ZSCAN1: variants seen among roughly 807,000 people sequenced by gnomAD.
ZSCAN1 encodes the protein zinc finger and SCAN domain-containing protein 1.
ZSCAN1 carries 23 observed loss-of-function variants against 23.8 expected under a neutral mutation model. The ratio of observed to expected loss-of-function variants is 0.97; its 90% CI spans 0.70 to 1.37. The LOEUF (loss-of-function observed/expected upper bound fraction) is 1.37, where lower values mean the gene tolerates loss of function less well. Among genes scored for constraint, ZSCAN1 ranks in the 40% most tolerant of loss-of-function variants. The probability of loss-of-function intolerance (pLI) is 0.00; values close to 1 mark genes in which losing one functional copy is unlikely to be tolerated. For synonymous variants in ZSCAN1, 236 were observed against 232.3 expected (o/e 1.02, Z -0.15); for missense variants, 575 against 554.0 (o/e 1.04, Z -0.38).
At chr19:58,043,287 G>A (rs1466011698) in intron 4 of ZSCAN1, among the ~76,000 whole-genome samples, 3 of 152,234 alleles carry the variant, frequency 2.0e-5, no homozygotes, top group African/African-American at 7.2e-5. Context: ...ACATCGCAGA[G>A]GGCACTCACA....
rs766460844 is a variant in ZSCAN1 at position 58,037,912 on chromosome 19, C to T, written c.76C>T (p.Pro26Ser). 13 of 1,598,504 alleles carry T rather than the reference C, an allele frequency of 8.1e-6. No homozygotes were observed. Among genetic ancestry groups the T allele is most frequent in the South Asian group, 1.1e-5 (1 of 90,750 alleles). ...TPTPSEQDAD[P>S]GPASPRDTEA... ...AACCCCGAGTGAGCAGGACGCAGAC[C>T]CTGGGCCAGCAAGCCCCAGGGACAC... Residue 26 changes from proline (P) to serine (S), a missense_variant, in exon 3 of 6, where the codon CCT (proline) becomes TCT (serine). Physicochemically the swap from Pro to Ser is moderately conservative, Grantham distance 74 (BLOSUM62 -1). Coordinates refer to ENST00000282326, the MANE Select transcript of ZSCAN1 (RefSeq NM_182572.4).
At chr19:58,046,716 G>T in intron 4 of ZSCAN1, 1 of 815,444 alleles carries the variant, frequency 1.2e-6, no homozygotes, top group Non-Finnish European at 2.2e-6. Context: ...AAAAAGAGGA[G>T]AAAGGGTGGA....
intron 4 of ZSCAN1, chr19:58,046,782 G>A (rs2073829223): frequency 1.3e-6 from 1 of 754,212 alleles, no homozygotes; most frequent in Non-Finnish European, 2.5e-6. Flanking sequence ...CCACTGGCGT[G>A]GGCACCTGTC....
downstream of ZSCAN1, among the ~76,000 whole-genome samples, chr19:58,055,937 A>C (rs1360115591): frequency 1.3e-5 from 2 of 152,224 alleles, no homozygotes; most frequent in African/African-American, 2.4e-5. Context: ...AAACAACAAC[A>C]AAGAAAACAA....
At position 58,054,145 on chromosome 19, in the gene ZSCAN1, C is replaced by T; in HGVS notation, c.*94C>T. The stretch of plus-strand genomic sequence containing the variant: ...GGGGGACATCCCCCAGCCCCACCAA[C>T]CCCTGGCCACCTTGGGACTCCTCTT... On this transcript the variant is annotated 3_prime_UTR_variant, in exon 6 of 6. Coordinates refer to ENST00000282326, the MANE Select transcript of ZSCAN1 (RefSeq NM_182572.4). This position sits in a 1 kb window ranked among gnomAD's most constrained non-coding sequence, Gnocchi z 4.2. 2 of 1,406,138 alleles carry T rather than the reference C, an allele frequency of 1.4e-6. No homozygotes were observed. The highest frequency in any genetic ancestry group is 1.9e-6 in the Non-Finnish European group (2 of 1,074,682). The allele number at this position is 1,406,138 out of a possible 1,614,324, so 87.1% of individuals were successfully genotyped here. A position where few individuals can be genotyped will look rare whatever the true frequency, so the allele number is the denominator to read the frequency against.
Position 58,052,605 on chromosome 19 carries a change from C to A in ZSCAN1, c.581C>A (p.Ala194Glu). The change falls in exon 5 of 6, where the codon GCG becomes GAG. Residue 194 changes from alanine to glutamate, a missense_variant. By Grantham distance (107) the Ala-to-Glu change is moderately radical (BLOSUM62 -1). Coordinates refer to ENST00000282326, the MANE Select transcript of ZSCAN1 (RefSeq NM_182572.4). The part of the protein sequence containing the change: ...QSLHTRAEAE[A>E]PRAPGLLGSR... ...CTGCACACCAGGGCGGAGGCCGAAG[C>A]GCCCCGCGCCCCTGGCTTGCTGGGT... is the stretch of plus-strand genomic sequence containing the variant. 2.5e-6 allele frequency: 4 copies of A among 1,606,652 alleles called. No homozygotes were observed. Among genetic ancestry groups the A allele is most frequent in the Non-Finnish European group, 3.4e-6 (4 of 1,175,932 alleles).
Position 58,040,514 on chromosome 19 carries a change from G to A in ZSCAN1, c.435G>A (p.Lys145=). The A allele has an allele frequency of 6.2e-7, 1 of 1,613,578 alleles. No individual in the cohort carries two copies. The stretch of plus-strand genomic sequence containing the variant: ...GTTTCGGTGAGGAGGAAGATGGGAA[G>A]AGTCCAAGGTCCCAGAAAGAACCAT... ...DWSFGEEEDG[K]SPRSQKEPSQ... The change falls in exon 4 of 6, where the codon AAG becomes AAA. Residue 145 remains lysine, a synonymous_variant. Transcript: ENST00000282326. The surrounding 1 kb of genome is among the most constrained non-coding windows in gnomAD (Gnocchi z 5.8).
intron 3 of ZSCAN1, among the ~76,000 whole-genome samples, chr19:58,039,358 C>T (rs1313134923): frequency 6.6e-6 from 1 of 152,192 alleles, no homozygotes; most frequent in African/African-American, 2.4e-5. Flanking sequence ...CAAAATTCAA[C>T]GTTTTTGAGC....
chr19:58,046,394 G>C, intron 4 of ZSCAN1: 1 of 890,224 alleles, frequency 1.1e-6, no homozygotes, highest in Non-Finnish European at 1.9e-6. Flanking sequence ...TTGACAAAAA[G>C]GGTGCAGCAG....
chr19:58,053,781 C>A lies in ZSCAN1; in HGVS notation c.957C>A (p.Pro319=). The change falls in exon 6 of 6, where the codon CCC becomes CCA. Residue 319 remains proline, a synonymous_variant. Coordinates refer to ENST00000282326, the MANE Select transcript of ZSCAN1 (RefSeq NM_182572.4). The surrounding 1 kb of genome is among the most constrained non-coding windows in gnomAD (Gnocchi z 5.8). The part of the protein sequence containing the change: ...EHQKTHREEG[P]FPCPECGKVF... ...AGAAGACCCATCGCGAGGAAGGGCCCTTTCCGTGCCCCGAGTGTGGCAAGG... is the reference window on the plus strand; with the variant it reads ...AGAAGACCCATCGCGAGGAAGGGCCATTTCCGTGCCCCGAGTGTGGCAAGG... The A allele has an allele frequency of 6.2e-7, 1 of 1,614,110 alleles. No homozygotes were observed. Among genetic ancestry groups the A allele is most frequent in the Non-Finnish European group, 8.5e-7 (1 of 1,180,026 alleles).
chr19:58,046,645 G>T, intron 4 of ZSCAN1: 1 of 874,478 alleles, frequency 1.1e-6, no homozygotes, highest in Non-Finnish European at 2.0e-6. Flanking sequence ...GATTGAGCTG[G>T]TGGACAAAGA....
chr19:58,056,230 G>A (rs929103092), downstream of ZSCAN1, among the ~76,000 whole-genome samples: 3 of 152,224 alleles, frequency 2.0e-5, no homozygotes, highest in African/African-American at 4.8e-5. Context: ...AAGCCCAGCA[G>A]GGTAGCTCTA....
At chr19:58,052,038 A>G (rs990974957) in intron 4 of ZSCAN1, among the ~76,000 whole-genome samples, 1 of 152,244 alleles carries the variant, frequency 6.6e-6, no homozygotes, top group Admixed American at 6.5e-5. Flanking sequence ...GCTTGTGGGC[A>G]AGGACAGTGC....
intron 4 of ZSCAN1, 38 bp from the exon 5 acceptor site, chr19:58,052,452 G>C: frequency 6.2e-7 from 1 of 1,613,186 alleles, no homozygotes; most frequent in Non-Finnish European, 8.5e-7. Flanking sequence ...TGGCTCCTGA[G>C]GGGCAGCTGC....
chr19:58,034,483 G>A lies in ZSCAN1; in HGVS notation c.-152+322G>A, dbSNP rs111447153. On this transcript the variant is annotated intron_variant, in intron 1 of 5. Coordinates refer to ENST00000282326, the MANE Select transcript of ZSCAN1 (RefSeq NM_182572.4). Reference sequence around the variant, plus strand: ...ATCCGCCTGTCCGTTTGAGGCCGAAGCCCCTCTACGTACCCCCATTGCCCG... The same window carrying A: ...ATCCGCCTGTCCGTTTGAGGCCGAAACCCCTCTACGTACCCCCATTGCCCG... 3.9e-3 allele frequency among the ~76,000 whole-genome samples: 590 copies of A among 152,068 alleles called. 2 individuals are homozygous for A. The highest frequency in any genetic ancestry group is 0.013 in the African/African-American group (559 of 41,498).
chr19:58,039,132 C>T lies in ZSCAN1; in HGVS notation c.370+926C>T, dbSNP rs554612224. On this transcript the variant is annotated intron_variant, in intron 3 of 5. Transcript: ENST00000282326. ...GGTCCCCTTACTGCCCCAGGGCAGC[C>T]GGTGCCACACTTAGGAAAGCTGTGA... 9.3e-4 allele frequency among the ~76,000 whole-genome samples: 142 copies of T among 152,342 alleles called. 1 individual carries two copies. Among genetic ancestry groups the T allele is most frequent in the Middle Eastern group, 3.4e-3 (1 of 294 alleles).
chr19:58,046,610 T>C, intron 4 of ZSCAN1: 3 of 841,666 alleles, frequency 3.6e-6, no homozygotes, highest in Non-Finnish European at 6.3e-6. Context: ...GATGGCAAGG[T>C]CAACGTCGAC....
At position 58,040,313 on chromosome 19, in the gene ZSCAN1, G is replaced by T; in HGVS notation, c.371-137G>T. 1 of 859,046 alleles carries T rather than the reference G, an allele frequency of 1.2e-6. No individual in the cohort carries two copies. The highest frequency in any genetic ancestry group is 2.5e-5 in the East Asian group (1 of 40,746). 53.2% of individuals were successfully genotyped at this position (859,046 alleles called of 1,614,324 possible). On this transcript the variant is annotated intron_variant, in intron 3 of 5. Transcript: ENST00000282326. This position sits in a 1 kb window ranked among gnomAD's most constrained non-coding sequence, Gnocchi z 5.8. ...AGCCACATGGAGGGACAGAATGACA[G>T]CCCTGCAGCCACTCTTGCCTGCGCC...
intron 3 of ZSCAN1, chr19:58,038,547 C>T (rs560840092): frequency 3.3e-4 from 180 of 549,396 alleles, no homozygotes; most frequent in African/African-American, 3.1e-3. Context: ...GCGCCTCCTG[C>T]AACACTCAGG....
Sources: gnomAD v4.1 joint callset for allele counts (sites outside exome capture counted in the v4.1 genomes callset) on GRCh38, gnomAD v4.1.1 for gene constraint, Gnocchi (gnomAD v3.1) non-coding constraint, MANE v1.5 for transcripts, NCBI Gene and HGNC (gene_info 2026-07-23, HGNC 2026-07-21) for gene names.